The following DLGAP4 variants were observed in gnomAD, a reference collection of about 807,000 sequenced individuals.
DLGAP4 encodes the protein DLG associated protein 4.
DLGAP4 carries 18 observed loss-of-function variants against 86.9 expected under a neutral mutation model. That is an observed-to-expected ratio of 0.21 (90% CI 0.14 to 0.31). The LOEUF (loss-of-function observed/expected upper bound fraction) is 0.31, where lower values mean the gene tolerates loss of function less well. Among genes scored for constraint, DLGAP4 ranks in the 10% least tolerant of loss-of-function variants. DLGAP4 has a pLI of 1.00. For synonymous variants in DLGAP4, 548 were observed against 574.3 expected (o/e 0.95, Z 0.65); for missense variants, 1,085 against 1,362.6 (o/e 0.80, Z 3.21).
chr20:36,484,471 T>G (rs2035322700), intron 7 of DLGAP4, among the ~76,000 whole-genome samples: 1 of 152,256 alleles, frequency 6.6e-6, no homozygotes, highest in African/African-American at 2.4e-5. Flanking sequence ...GGCATTGCTC[T>G]GGCAACTGAG....
chr20:36,392,782 A>G (rs969426977), intron 2 of DLGAP4, among the ~76,000 whole-genome samples: 1 of 152,250 alleles, frequency 6.6e-6, no homozygotes. Context: ...ACCCAACCTC[A>G]ACTTTCCTGA....
At chr20:36,449,467 G>A (rs1228458389) in intron 7 of DLGAP4, among the ~76,000 whole-genome samples, 1 of 152,200 alleles carries the variant, frequency 6.6e-6, no homozygotes, top group Non-Finnish European at 1.5e-5. Flanking sequence ...TAGTCCTGCT[G>A]TTACCGGTAG....
intron 2 of DLGAP4, among the ~76,000 whole-genome samples, chr20:36,372,370 GC>G (rs1354304726): frequency 1.3e-5 from 2 of 152,082 alleles, no homozygotes; most frequent in Non-Finnish European, 2.9e-5. Flanking sequence ...TGTCAGCTTG[GC>G]TGGGCACAAG....
At chr20:36,331,974 C>T (rs1438889915) in intron 1 of DLGAP4, among the ~76,000 whole-genome samples, 11 of 135,330 alleles carry the variant, frequency 8.1e-5, no homozygotes, top group Middle Eastern at 3.6e-3. Context: ...GGAAAAGAGT[C>T]GGGGGCGGGT....
In DLGAP4 at chr20:36,528,581, C is replaced by T. The variant is rs1277001468; in HGVS notation, c.*1550C>T. 1 of 152,758 alleles carries T rather than the reference C, an allele frequency of 6.5e-6. No individual in the cohort carries two copies. The highest frequency in any genetic ancestry group is 2.4e-5 in the African/African-American group (1 of 41,462). 9.5% of individuals were successfully genotyped at this position (152,758 alleles called of 1,614,324 possible). A position where few individuals can be genotyped will look rare whatever the true frequency, so the allele number is the denominator to read the frequency against. On this transcript the variant is annotated 3_prime_UTR_variant, in exon 13 of 13. Transcript: ENST00000339266. ...CTCCTCTGTAAAACGGGGACAGTCCCTGCCCCTCCCTACCTCACAGGCATG... is the reference window on the plus strand; with the variant it reads ...CTCCTCTGTAAAACGGGGACAGTCCTTGCCCCTCCCTACCTCACAGGCATG...
At chr20:36,367,807 C>T (rs1367372566) in intron 2 of DLGAP4, among the ~76,000 whole-genome samples, 3 of 152,178 alleles carry the variant, frequency 2.0e-5, no homozygotes, top group Non-Finnish European at 2.9e-5. Flanking sequence ...GGGCCTGCCC[C>T]GTCTCCAACC....
At chr20:36,511,759 C>T (rs181961797) in intron 10 of DLGAP4, among the ~76,000 whole-genome samples, 7 of 151,098 alleles carry the variant, frequency 4.6e-5, no homozygotes, top group East Asian at 2.0e-4. Flanking sequence ...CCTGTAATCT[C>T]GGCTACTTCT....
At position 36,350,572 on chromosome 20, in the gene DLGAP4, A is replaced by G. The variant is rs1354046797; in HGVS notation, c.-303-16473A>G. Among the ~76,000 whole-genome samples the G allele has an allele frequency of 3.9e-5, 6 of 152,238 alleles. No homozygotes were observed. Among genetic ancestry groups the G allele is most frequent in the Admixed American group, 3.9e-4 (6 of 15,288 alleles). ...ATCTGTCATTTCCCTGGGGTGAATC[A>G]GATGATACAATGGCTGACAAGGGCA... On this transcript the variant is annotated intron_variant, in intron 1 of 12. Transcript: ENST00000339266. The surrounding 1 kb of genome is among the most constrained non-coding windows in gnomAD (Gnocchi z 4.4).
intron 7 of DLGAP4, chr20:36,461,755 G>GC: frequency 7.7e-5 from 14 of 180,746 alleles, no homozygotes; most frequent in African/African-American, 5.1e-4. Context: ...CCGTCCGCCC[G>GC]CCCGCCCGCC....
intron 1 of DLGAP4, among the ~76,000 whole-genome samples, chr20:36,320,871 C>A (rs1312341155): frequency 1.3e-5 from 2 of 152,202 alleles, no homozygotes; most frequent in Non-Finnish European, 2.9e-5. Flanking sequence ...CCAAATCAGT[C>A]CTTGGCTCCC....
At chr20:36,315,620 G>A (rs907237364) in intron 1 of DLGAP4, among the ~76,000 whole-genome samples, 11 of 152,218 alleles carry the variant, frequency 7.2e-5, no homozygotes, top group African/African-American at 2.4e-4. Flanking sequence ...TCCAACTCAG[G>A]ACATTTGAGC....
At chr20:36,461,483 C>T (rs1292929177) in intron 7 of DLGAP4, 3 of 981,870 alleles carry the variant, frequency 3.1e-6, no homozygotes, top group African/African-American at 3.5e-5. Context: ...AAACCGGAGC[C>T]TCGGGCCGGG....
chr20:36,315,901 A>G (rs2147337373), intron 1 of DLGAP4, among the ~76,000 whole-genome samples: 1 of 152,290 alleles, frequency 6.6e-6, no homozygotes, highest in Non-Finnish European at 1.5e-5. Context: ...CACTCTGCTG[A>G]CACTGGCCGG....
chr20:36,462,368 C>A (rs2034127169), intron 7 of DLGAP4: 3 of 1,392,252 alleles, frequency 2.2e-6, no homozygotes, highest in Non-Finnish European at 2.8e-6. Flanking sequence ...TGTGCCCCCA[C>A]ATCTGTCTCG....
At chr20:36,444,074 C>T (rs2033525657) in intron 6 of DLGAP4, among the ~76,000 whole-genome samples, 1 of 152,296 alleles carries the variant, frequency 6.6e-6, no homozygotes, top group Admixed American at 6.5e-5. Flanking sequence ...CCCATGCCCC[C>T]GGCAGTCACA....
chr20:36,366,332 A>T (rs968784399), intron 1 of DLGAP4, among the ~76,000 whole-genome samples: 2 of 152,134 alleles, frequency 1.3e-5, no homozygotes, highest in Admixed American at 6.5e-5. Flanking sequence ...AAGTTCTGGG[A>T]TTACAGGCGT....
intron 1 of DLGAP4, among the ~76,000 whole-genome samples, chr20:36,333,356 C>T (rs2065289727): frequency 6.6e-6 from 1 of 152,038 alleles, no homozygotes; most frequent in South Asian, 2.1e-4. Flanking sequence ...CCCCTGAGCT[C>T]CCTGAGCACC....
intron 2 of DLGAP4, among the ~76,000 whole-genome samples, chr20:36,424,105 A>G (rs1242547474): frequency 6.6e-6 from 1 of 152,224 alleles, no homozygotes; most frequent in African/African-American, 2.4e-5. Flanking sequence ...CAGCTTCCCC[A>G]GGAAACAGAC....
chr20:36,403,077 A>G (rs921157220), intron 2 of DLGAP4, among the ~76,000 whole-genome samples: 38 of 152,248 alleles, frequency 2.5e-4, no homozygotes, highest in African/African-American at 9.2e-4. Context: ...AGAGACAGCC[A>G]GAGCGGATAT....
Sources: gnomAD v4.1 joint callset for allele counts (sites outside exome capture counted in the v4.1 genomes callset) on GRCh38, gnomAD v4.1.1 for gene constraint, Gnocchi (gnomAD v3.1) non-coding constraint, MANE v1.5 for transcripts, NCBI Gene and HGNC (gene_info 2026-07-23, HGNC 2026-07-21) for gene names.